ANO2: variants seen among roughly 807,000 people sequenced by gnomAD.
ANO2 encodes the protein anoctamin-2.
In ANO2, 101 loss-of-function variants were observed where a neutral mutation model predicts 124.2. The ratio of observed to expected loss-of-function variants is 0.81; its 90% CI spans 0.69 to 0.96. The LOEUF is 0.96. ANO2 is among the 40% of genes least tolerant of loss of function. ANO2 has a pLI of 0.00. For missense variants in ANO2, 1,293 were observed against 1,274.5 expected (o/e 1.01, Z -0.22); for synonymous variants, 486 against 482.5 (o/e 1.01, Z -0.09).
Position 5,612,165 on chromosome 12 carries a change from A to C in ANO2, c.2087+491T>G, listed in dbSNP as rs188115238. The stretch of plus-strand genomic sequence containing the variant: ...TTGAAAGAAGTCCTATGACATTTTC[A>C]TAAAACCCTGGGGAGCATAGGGGGG... On this transcript the variant is annotated intron_variant, in intron 19 of 24. Coordinates refer to ENST00000682330, the MANE Select transcript of ANO2 (RefSeq NM_001364791.2). Among the ~76,000 whole-genome samples, 446 of 152,326 alleles carry C rather than the reference A, an allele frequency of 2.9e-3. 2 individuals carry two copies. The highest frequency in any genetic ancestry group is 4.9e-3 in the Non-Finnish European group (330 of 68,032).
At chr12:5,732,375 T>C (rs1037825067) in intron 14 of ANO2, 145 bp downstream of exon 14, 4 of 629,214 alleles carry the variant, frequency 6.4e-6, no homozygotes, top group African/African-American at 5.5e-5. Flanking sequence ...TGCAGGACAA[T>C]GCGAGATGTC....
chr12:5,705,067 A>C (rs1367122742), intron 14 of ANO2, among the ~76,000 whole-genome samples: 1 of 152,220 alleles, frequency 6.6e-6, no homozygotes, highest in Non-Finnish European at 1.5e-5. Context: ...TCACTGAAAA[A>C]AATTATGACA....
chr12:5,944,578 C>A (rs1943020520), intron 1 of ANO2, among the ~76,000 whole-genome samples: 1 of 152,192 alleles, frequency 6.6e-6, no homozygotes, highest in Non-Finnish European at 1.5e-5. Flanking sequence ...TCTTTCTTCT[C>A]CATACTCCAC....
At position 5,744,138 on chromosome 12, in the gene ANO2, C is replaced by T. The variant is rs1272731896; in HGVS notation, c.1351+19G>A. On this transcript the variant is annotated intron_variant, in intron 12 of 24. Transcript: ENST00000682330. The stretch of plus-strand genomic sequence containing the variant: ...TAAAGGAACCACCCATATAAGCAAG[C>T]CTGGTGATGGCCACATACCCCACAG... The T allele has an allele frequency of 3.1e-6, 5 of 1,612,860 alleles. No individual in the cohort carries two copies. Among genetic ancestry groups the T allele is most frequent in the African/African-American group, 1.3e-5 (1 of 74,210 alleles).
In ANO2 at chr12:5,732,260, A is replaced by G. The variant is rs563605427; in HGVS notation, c.1545+260T>C. On this transcript the variant is annotated intron_variant, in intron 14 of 24. Transcript: ENST00000682330. ...TAGATGATGGTAGGAATCAGGCCTGAAACTGTTTCTCCTCTAACCTGCCCT... is the reference window on the plus strand; with the variant it reads ...TAGATGATGGTAGGAATCAGGCCTGGAACTGTTTCTCCTCTAACCTGCCCT... Among the ~76,000 whole-genome samples, 3 of 152,212 alleles carry G rather than the reference A, an allele frequency of 2.0e-5. No individual in the cohort carries two copies. In the South Asian group the frequency reaches 6.2e-4, roughly 32 times the overall value.
intron 4 of ANO2, among the ~76,000 whole-genome samples, chr12:5,844,385 T>C (rs1194246679): frequency 6.6e-6 from 1 of 152,190 alleles, no homozygotes. Flanking sequence ...TGTACTACTG[T>C]ATTTAGAGCA....
intron 16 of ANO2, among the ~76,000 whole-genome samples, chr12:5,628,683 T>TGC (rs1412721108): frequency 6.1e-5 from 8 of 130,346 alleles, no homozygotes; most frequent in African/African-American, 2.0e-4. Flanking sequence ...TGTGTGTGTG[T>TGC]GTGTGCGCGC....
chr12:5,804,191 CTT>C (rs1291513168), intron 9 of ANO2, among the ~76,000 whole-genome samples: 1 of 152,224 alleles, frequency 6.6e-6, no homozygotes, highest in Non-Finnish European at 1.5e-5. Flanking sequence ...GCAGCACACA[CTT>C]GGGCGTTTTT....
At chr12:5,647,905 A>G (rs1946729690) in intron 14 of ANO2, 104 bp from the exon 15 acceptor site, 5 of 823,474 alleles carry the variant, frequency 6.1e-6, no homozygotes, top group South Asian at 1.5e-5. Flanking sequence ...TTATCACTCT[A>G]TATAGATATA....
chr12:5,862,486 C>T lies in ANO2; in HGVS notation c.535-8345G>A, dbSNP rs1302040739. Among the ~76,000 whole-genome samples the T allele has an allele frequency of 2.0e-5, 3 of 152,326 alleles. No homozygotes were observed. The highest frequency in any genetic ancestry group is 4.1e-4 in the South Asian group (2 of 4,820). On this transcript the variant is annotated intron_variant, in intron 3 of 24. Transcript: ENST00000682330. This position sits in a 1 kb window ranked among gnomAD's most constrained non-coding sequence, Gnocchi z 4.0. ...TCTGGACCTATCACCACAGTCTCCA[C>T]TCCGTGTATCACACATCATTGCACT...
chr12:5,933,152 T>C (rs1942500038), intron 1 of ANO2, among the ~76,000 whole-genome samples: 2 of 152,218 alleles, frequency 1.3e-5, no homozygotes, highest in Admixed American at 1.3e-4. Flanking sequence ...CTTCTTAACA[T>C]GGCCTACAAG....
intron 3 of ANO2, among the ~76,000 whole-genome samples, chr12:5,906,370 GA>G (rs1382759182): frequency 2.1e-4 from 30 of 145,758 alleles, no homozygotes; most frequent in African/African-American, 7.7e-4. Flanking sequence ...AAAAGAAAAA[GA>G]AAAAAAGAGG....
intron 10 of ANO2, among the ~76,000 whole-genome samples, chr12:5,782,672 G>A (rs1227652155): frequency 1.3e-5 from 2 of 152,132 alleles, no homozygotes; most frequent in Non-Finnish European, 2.9e-5. Context: ...ACATTTTATA[G>A]GTTTTTCGGG....
chr12:5,671,563 T>G (rs1348861426), intron 14 of ANO2, among the ~76,000 whole-genome samples: 1 of 151,776 alleles, frequency 6.6e-6, no homozygotes, highest in African/African-American at 2.4e-5. Flanking sequence ...AGGGGGCAGG[T>G]TGAGCTGAGC....
At chr12:5,944,567 G>T (rs1050526270) in intron 1 of ANO2, among the ~76,000 whole-genome samples, 1 of 152,188 alleles carries the variant, frequency 6.6e-6, no homozygotes, top group East Asian at 1.9e-4. Context: ...ATAAAATAAC[G>T]TCTTTCTTCT....
chr12:5,647,777 T>C lies in ANO2; in HGVS notation c.1570A>G (p.Lys524Glu). 1 of 1,610,310 alleles carries C rather than the reference T, an allele frequency of 6.2e-7. No homozygotes were observed. Among genetic ancestry groups the C allele is most frequent in the Non-Finnish European group, 8.5e-7 (1 of 1,178,534 alleles). The change falls in exon 15 of 25, where the codon AAG becomes GAG. Residue 524 changes from lysine (K) to glutamate (E), a missense_variant. Transcript: ENST00000682330. ...DEDDEDKLTW[K>E]DRFPGYLMNF... The stretch of plus-strand genomic sequence containing the variant: ...ATCAGGTAACCTGGGAAACGATCCT[T>C]CCAGGTCAGTTTATCTTCATCATCC...
intron 1 of ANO2, among the ~76,000 whole-genome samples, chr12:5,944,030 T>C (rs540868735): frequency 1.6e-4 from 24 of 152,282 alleles, no homozygotes; most frequent in African/African-American, 5.5e-4. Flanking sequence ...GGTACCCACA[T>C]AGAGGCAACT....
chr12:5,571,012 T>C (rs548057630), intron 23 of ANO2, among the ~76,000 whole-genome samples: 50 of 152,258 alleles, frequency 3.3e-4, no homozygotes, highest in African/African-American at 1.2e-3. Flanking sequence ...AGCCATGGGC[T>C]GGAAGGGAGC....
chr12:5,695,604 G>GC (rs1949134790), intron 14 of ANO2, among the ~76,000 whole-genome samples: 1 of 152,210 alleles, frequency 6.6e-6, no homozygotes, highest in Non-Finnish European at 1.5e-5. Flanking sequence ...ACTTTGGGAG[G>GC]CTGAGGCAGG....
Sources: allele counts gnomAD v4.1 joint callset (sites outside exome capture counted in the v4.1 genomes callset), GRCh38; gene constraint gnomAD v4.1.1; non-coding constraint Gnocchi (gnomAD v3.1); transcripts MANE v1.5; gene names NCBI Gene and HGNC (gene_info 2026-07-23, HGNC 2026-07-21).